Variants in LRRC38 observed in about 807,000 individuals in gnomAD.
LRRC38 encodes leucine rich repeat containing 38.
Under a neutral mutation model 16.4 loss-of-function variants are expected in LRRC38, and 5 were observed. The observed-to-expected ratio is 0.31, with a 90% confidence interval of 0.16 to 0.64. LRRC38 has a LOEUF of 0.64. Ranked by LOEUF, LRRC38 falls within the 30% of genes least tolerant of loss-of-function variation. LRRC38 has a pLI of 0.80. For synonymous variants in LRRC38, 191 were observed against 190.2 expected (o/e 1.00, Z -0.04); for missense variants, 341 against 401.8 (o/e 0.85, Z 1.29).
At chr1:13,512,920 T>TCCCCCCCC (rs1557507401) in intron 1 of LRRC38, 43 bp downstream of exon 1, 12 of 1,269,010 alleles carry the variant, frequency 9.5e-6, no homozygotes, top group South Asian at 2.7e-5. Flanking sequence ...GGCCTCTCCC[T>TCCCCCCCC]GCCCCCCTCC....
intron 1 of LRRC38, among the ~76,000 whole-genome samples, chr1:13,505,916 G>A (rs1051547580): frequency 3.0e-5 from 3 of 101,670 alleles, no homozygotes; most frequent in African/African-American, 1.1e-4. Context: ...AGGGAGGGAG[G>A]AGAAGTGATA....
At chr1:13,486,830 A>T (rs1232728174) in intron 1 of LRRC38, among the ~76,000 whole-genome samples, 1 of 152,050 alleles carries the variant, frequency 6.6e-6, no homozygotes, top group Non-Finnish European at 1.5e-5. Flanking sequence ...GACTCAAGCG[A>T]TCCACCTGCC....
chr1:13,483,648 C>G (rs1307638150), intron 1 of LRRC38, among the ~76,000 whole-genome samples: 1 of 152,054 alleles, frequency 6.6e-6, no homozygotes, highest in East Asian at 1.9e-4. Context: ...TTAGGACGGA[C>G]CCCAGGCTGG....
chr1:13,491,355 T>C (rs892683951), intron 1 of LRRC38, among the ~76,000 whole-genome samples: 9 of 152,110 alleles, frequency 5.9e-5, no homozygotes, highest in Non-Finnish European at 1.0e-4. Context: ...TTAGACAGGG[T>C]CTTACTCTGT....
chr1:13,475,336 C>A lies in LRRC38; in HGVS notation c.*510G>T, dbSNP rs923906181. On this transcript the variant is annotated 3_prime_UTR_variant, in exon 2 of 2. Transcript: ENST00000376085. The surrounding 1 kb of genome is among the most constrained non-coding windows in gnomAD (Gnocchi z 4.3). ...GTTTATTAGTTCCCAGTATAACATCCCAAGGTTGCTGAGGCCTATTATATA... is the reference window on the plus strand; with the variant it reads ...GTTTATTAGTTCCCAGTATAACATCACAAGGTTGCTGAGGCCTATTATATA... 1 of 156,396 alleles carries A rather than the reference C, an allele frequency of 6.4e-6. No homozygotes were observed. Among genetic ancestry groups the A allele is most frequent in the Non-Finnish European group, 1.4e-5 (1 of 70,350 alleles). 9.7% of individuals were successfully genotyped at this position (156,396 alleles called of 1,614,324 possible).
At chr1:13,486,625 C>CT (rs1638938738) in intron 1 of LRRC38, among the ~76,000 whole-genome samples, 1 of 141,896 alleles carries the variant, frequency 7.0e-6, no homozygotes, top group South Asian at 2.2e-4. Flanking sequence ...AGGTCTCACT[C>CT]TATCACCCAG....
At chr1:13,492,955 C>T (rs781131762) in intron 1 of LRRC38, among the ~76,000 whole-genome samples, 15 of 150,502 alleles carry the variant, frequency 1.0e-4, no homozygotes, top group Non-Finnish European at 1.6e-4. Context: ...TCCCGTCGCT[C>T]TTGGGAGTTC....
At chr1:13,505,226 T>G (rs2100520536) in intron 1 of LRRC38, among the ~76,000 whole-genome samples, 1 of 152,288 alleles carries the variant, frequency 6.6e-6, no homozygotes, top group Non-Finnish European at 1.5e-5. Flanking sequence ...TCTCCAGGGC[T>G]CCTCTCCTCT....
At chr1:13,490,140 T>C (rs948537016) in intron 1 of LRRC38, among the ~76,000 whole-genome samples, 9 of 152,120 alleles carry the variant, frequency 5.9e-5, no homozygotes, top group Non-Finnish European at 1.5e-5. Flanking sequence ...CAGAGAATGA[T>C]CATAGTGTTT....
intron 1 of LRRC38, among the ~76,000 whole-genome samples, chr1:13,510,564 G>C (rs1301098061): frequency 6.6e-6 from 1 of 150,928 alleles, no homozygotes; most frequent in Non-Finnish European, 1.5e-5. Context: ...CAATCAGTAA[G>C]AAGTAGAGGC....
At chr1:13,505,272 C>T (rs1334245760) in intron 1 of LRRC38, among the ~76,000 whole-genome samples, 4 of 152,176 alleles carry the variant, frequency 2.6e-5, no homozygotes, top group South Asian at 2.1e-4. Context: ...GCAGAGTAGC[C>T]GCTCCCTCCC....
At chr1:13,488,870 T>A (rs1243353881) in intron 1 of LRRC38, among the ~76,000 whole-genome samples, 2 of 151,980 alleles carry the variant, frequency 1.3e-5, no homozygotes, top group Non-Finnish European at 2.9e-5. Context: ...AAGGGGGGAT[T>A]GGAGAGAAGT....
intron 1 of LRRC38, among the ~76,000 whole-genome samples, chr1:13,505,064 C>T (rs1227353408): frequency 2.0e-5 from 3 of 152,134 alleles, no homozygotes; most frequent in Non-Finnish European, 4.4e-5. Flanking sequence ...TTGCTTACTC[C>T]AGATGACATT....
chr1:13,476,844 C>T (rs1239910265), intron 1 of LRRC38, among the ~76,000 whole-genome samples: 2 of 152,166 alleles, frequency 1.3e-5, no homozygotes, highest in Non-Finnish European at 2.9e-5. Flanking sequence ...CTATCCTCCT[C>T]TTCACTGTCC....
At position 13,476,056 on chromosome 1, in the gene LRRC38, CCTCCT is replaced by C; in HGVS notation, c.670_674del (p.Arg224AspfsTer5). The C allele has an allele frequency of 6.4e-7, 1 of 1,550,412 alleles. No homozygotes were observed. Among genetic ancestry groups the C allele is most frequent in the Non-Finnish European group, 8.7e-7 (1 of 1,146,894 alleles). On this transcript the variant is annotated frameshift_variant, in exon 2 of 2. Coordinates refer to ENST00000376085, the MANE Select transcript of LRRC38 (RefSeq NM_001010847.2). LOFTEE classifies it high-confidence loss of function. ...CCTCCGACAGCTCACGCAGGGATATCCTCCTGCTCTCCATGGGCAGGGAGCACTGG... is the reference window on the plus strand; with the variant it reads ...CCTCCGACAGCTCACGCAGGGATATCGCTCTCCATGGGCAGGGAGCACTGG...
intron 1 of LRRC38, among the ~76,000 whole-genome samples, chr1:13,484,090 C>A (rs1242384413): frequency 6.6e-6 from 1 of 152,132 alleles, no homozygotes; most frequent in Non-Finnish European, 1.5e-5. Flanking sequence ...GCCCGCATCA[C>A]CCCTGCTAAA....
chr1:13,501,312 G>A (rs1413536269), intron 1 of LRRC38, among the ~76,000 whole-genome samples: 1 of 151,956 alleles, frequency 6.6e-6, no homozygotes. Context: ...TTAAAAGAGG[G>A]GAAACTGTGC....
At chr1:13,502,210 G>A (rs1639159853) in intron 1 of LRRC38, among the ~76,000 whole-genome samples, 1 of 151,472 alleles carries the variant, frequency 6.6e-6, no homozygotes, top group Non-Finnish European at 1.5e-5. Context: ...CAAAGGGCTG[G>A]GATTACAAGT....
intron 1 of LRRC38, among the ~76,000 whole-genome samples, chr1:13,493,747 C>T (rs1639046664): frequency 6.6e-6 from 1 of 152,262 alleles, no homozygotes; most frequent in South Asian, 2.1e-4. Flanking sequence ...CAAAAGGACA[C>T]AGATGTCGTG....
Sources: gnomAD v4.1 joint callset for allele counts (sites outside exome capture counted in the v4.1 genomes callset) on GRCh38, gnomAD v4.1.1 for gene constraint, Gnocchi (gnomAD v3.1) non-coding constraint, MANE v1.5 for transcripts, NCBI Gene and HGNC (gene_info 2026-07-23, HGNC 2026-07-21) for gene names.